Variants in REEP3 observed in about 807,000 individuals in gnomAD.
REEP3 encodes the protein receptor expression-enhancing protein 3.
REEP3 carries 20 observed loss-of-function variants against 41.3 expected under a neutral mutation model. That is an observed-to-expected ratio of 0.48 (90% confidence interval 0.34 to 0.70). REEP3 has a LOEUF of 0.70. REEP3 is among the 30% of genes least tolerant of loss of function. The pLI, the probability that REEP3 is intolerant of heterozygous loss-of-function variation, is 0.01. For missense variants in REEP3, 271 were observed against 308.8 expected (o/e 0.88, Z 0.92); for synonymous variants, 104 against 101.8 (o/e 1.02, Z -0.13).
chr10:63,603,902 TCACTGAACCAGA>T (rs1450784824), intron 5 of REEP3, among the ~76,000 whole-genome samples: 2 of 152,184 alleles, frequency 1.3e-5, no homozygotes, highest in Non-Finnish European at 2.9e-5. Flanking sequence ...CATAGAAGAA[TCACTGAACCAGA>T]CACTTCATAC....
chr10:63,593,954 T>C (rs908576101), intron 2 of REEP3, among the ~76,000 whole-genome samples: 2 of 152,184 alleles, frequency 1.3e-5, no homozygotes, highest in African/African-American at 4.8e-5. Flanking sequence ...GCATCATTAA[T>C]AGAAGTAAGA....
chr10:63,604,717 C>T lies in REEP3; in HGVS notation c.417+5434C>T, dbSNP rs916233468. 3.9e-5 allele frequency among the ~76,000 whole-genome samples: 6 copies of T among 151,964 alleles called. No individual in the cohort carries two copies. The East Asian group carries it at 1.2e-3, about 29-fold the overall frequency. ...AAGGTTGTACTATTTTTCCTAAAAT[C>T]TAGGGAAGCAGAATGGTATAACAAA... On this transcript the variant is annotated intron_variant, in intron 5 of 7. Transcript: ENST00000373758.
intron 2 of REEP3, among the ~76,000 whole-genome samples, chr10:63,590,092 G>GCCCAGA (rs1299519418): frequency 1.3e-5 from 2 of 152,080 alleles, no homozygotes; most frequent in Non-Finnish European, 2.9e-5. Flanking sequence ...ACCGCACCTG[G>GCCCAGA]CCCAGAACAT....
chr10:63,536,800 T>G (rs1004619817), intron 1 of REEP3, among the ~76,000 whole-genome samples: 2 of 152,196 alleles, frequency 1.3e-5, no homozygotes, highest in Non-Finnish European at 2.9e-5. Context: ...TACAACCACA[T>G]TGAAATTCCA....
intron 1 of REEP3, among the ~76,000 whole-genome samples, chr10:63,528,774 C>T (rs1955390570): frequency 6.6e-6 from 1 of 152,202 alleles, no homozygotes; most frequent in East Asian, 1.9e-4. Flanking sequence ...GACCTGAGAG[C>T]CTGGGCACTT....
intron 2 of REEP3, among the ~76,000 whole-genome samples, chr10:63,588,058 C>T (rs952438715): frequency 5.3e-5 from 8 of 152,206 alleles, no homozygotes; most frequent in Non-Finnish European, 7.3e-5. Flanking sequence ...TCCTTAAAAA[C>T]ATCTTTTCTA....
intron 1 of REEP3, among the ~76,000 whole-genome samples, chr10:63,560,602 T>C (rs566606863): frequency 6.6e-6 from 1 of 152,332 alleles, no homozygotes; most frequent in African/African-American, 2.4e-5. Flanking sequence ...GTGAACAGTA[T>C]CTTATTTTGA....
chr10:63,563,939 T>C (rs1395597263), intron 1 of REEP3, among the ~76,000 whole-genome samples: 1 of 152,092 alleles, frequency 6.6e-6, no homozygotes, highest in African/African-American at 2.4e-5. Flanking sequence ...TCCTGAAAAC[T>C]GTCAAGGTGA....
At chr10:63,615,771 A>G (rs1177394389) in intron 6 of REEP3, among the ~76,000 whole-genome samples, 4 of 151,330 alleles carry the variant, frequency 2.6e-5, no homozygotes, top group East Asian at 3.9e-4. Context: ...GTCTCAAACT[A>G]CTGGCCTCAT....
At chr10:63,603,936 T>C (rs1328252504) in intron 5 of REEP3, among the ~76,000 whole-genome samples, 1 of 152,186 alleles carries the variant, frequency 6.6e-6, no homozygotes, top group East Asian at 1.9e-4. Context: ...GAAGAGTAAA[T>C]TGAAACTGAA....
At chr10:63,575,951 T>G (rs1180143662) in intron 2 of REEP3, among the ~76,000 whole-genome samples, 1 of 152,230 alleles carries the variant, frequency 6.6e-6, no homozygotes, top group African/African-American at 2.4e-5. Context: ...CAGGCTGGTC[T>G]TGAACTACCG....
intron 2 of REEP3, 92 bp downstream of exon 2, chr10:63,566,502 G>A (rs970147212): frequency 1.4e-6 from 1 of 720,682 alleles, no homozygotes; most frequent in Non-Finnish European, 2.3e-6. Context: ...GGCTGGAGTA[G>A]TGTTTTGGGT....
At chr10:63,554,348 A>G (rs1955657492) in intron 1 of REEP3, among the ~76,000 whole-genome samples, 1 of 152,182 alleles carries the variant, frequency 6.6e-6, no homozygotes, top group South Asian at 2.1e-4. Flanking sequence ...TAGACTTAGT[A>G]TACAATCAGA....
At chr10:63,590,987 A>G (rs967645583) in intron 2 of REEP3, among the ~76,000 whole-genome samples, 36 of 152,202 alleles carry the variant, frequency 2.4e-4, no homozygotes, top group African/African-American at 8.0e-4. Context: ...ATATTTGGTT[A>G]CATATGTTTA....
chr10:63,559,122 A>G (rs1334135913), intron 1 of REEP3, among the ~76,000 whole-genome samples: 2 of 152,182 alleles, frequency 1.3e-5, no homozygotes, highest in Admixed American at 6.5e-5. Flanking sequence ...TCAGCAATAA[A>G]TTATTTGTTA....
intron 2 of REEP3, among the ~76,000 whole-genome samples, chr10:63,577,067 G>T (rs1955904520): frequency 6.6e-6 from 1 of 152,120 alleles, no homozygotes; most frequent in African/African-American, 2.4e-5. Context: ...CCATTTCTTG[G>T]AAAGTTATCA....
chr10:63,544,878 T>C (rs1369006121), intron 1 of REEP3, among the ~76,000 whole-genome samples: 1 of 152,222 alleles, frequency 6.6e-6, no homozygotes, highest in African/African-American at 2.4e-5. Flanking sequence ...TCTCCCCGTA[T>C]GTATATGCAT....
chr10:63,596,429 A>T (rs981873714), intron 3 of REEP3, among the ~76,000 whole-genome samples: 1 of 152,152 alleles, frequency 6.6e-6, no homozygotes, highest in Non-Finnish European at 1.5e-5. Context: ...GAAAATGTTT[A>T]ACATGAACAA....
intron 1 of REEP3, among the ~76,000 whole-genome samples, chr10:63,550,737 C>A (rs1385963389): frequency 6.6e-6 from 1 of 152,056 alleles, no homozygotes; most frequent in Non-Finnish European, 1.5e-5. Context: ...CCTAGAGCTC[C>A]AGGTTAAGGA....
Sources: allele counts gnomAD v4.1 joint callset (sites outside exome capture counted in the v4.1 genomes callset), GRCh38; gene constraint gnomAD v4.1.1; transcripts MANE v1.5; gene names NCBI Gene and HGNC (gene_info 2026-07-23, HGNC 2026-07-21).